The following WWOX variants were observed in gnomAD, a reference collection of about 807,000 sequenced individuals.
WWOX encodes the protein WW domain-containing oxidoreductase.
Under a neutral mutation model 46.2 loss-of-function variants are expected in WWOX, and 69 were observed. That is an observed-to-expected ratio of 1.49 (90% CI 1.23 to 1.82). WWOX has a LOEUF of 1.82. Among genes scored for constraint, WWOX ranks in the 40% most tolerant of loss-of-function variants. The probability of loss-of-function intolerance (pLI) is 0.00; values close to 1 mark genes in which losing one functional copy is unlikely to be tolerated. For synonymous variants in WWOX, 359 were observed against 202.6 expected (o/e 1.77, Z -6.56); for missense variants, 919 against 542.6 (o/e 1.69, Z -6.89).
intron 8 of WWOX, among the ~76,000 whole-genome samples, chr16:78,453,371 G>A (rs1055008079): frequency 2.0e-5 from 3 of 151,636 alleles, no homozygotes; most frequent in African/African-American, 7.3e-5. Flanking sequence ...GGCAGTGAGT[G>A]GAGATCACGC....
chr16:78,206,444 A>G (rs1447284804), intron 5 of WWOX, among the ~76,000 whole-genome samples: 1 of 152,166 alleles, frequency 6.6e-6, no homozygotes, highest in Non-Finnish European at 1.5e-5. Flanking sequence ...GGAACTTTAA[A>G]TGTTGACCCC....
intron 8 of WWOX, among the ~76,000 whole-genome samples, chr16:78,795,786 T>C (rs2050720686): frequency 6.6e-6 from 1 of 152,164 alleles, no homozygotes; most frequent in East Asian, 1.9e-4. Context: ...CTAGCTAATG[T>C]CCTTGAGGAT....
chr16:79,018,621 C>G (rs966267181), intron 8 of WWOX, among the ~76,000 whole-genome samples: 2 of 152,098 alleles, frequency 1.3e-5, no homozygotes, highest in East Asian at 1.9e-4. Context: ...TAAGACACCA[C>G]CATTTCAAAG....
intron 8 of WWOX, among the ~76,000 whole-genome samples, chr16:79,086,085 A>C (rs1291142558): frequency 6.9e-6 from 1 of 143,902 alleles, no homozygotes; most frequent in East Asian, 2.1e-4. Context: ...AAAAAAGAGC[A>C]GTATAGTCAG....
intron 4 of WWOX, among the ~76,000 whole-genome samples, chr16:78,158,547 C>T (rs1275240835): frequency 6.9e-6 from 1 of 145,080 alleles, no homozygotes; most frequent in Non-Finnish European, 1.5e-5. Context: ...ATATACAGAA[C>T]TTTTTCAGTT....
In WWOX at chr16:78,640,107, G is replaced by T. The variant is rs116656789; in HGVS notation, c.1056+207355G>T. The stretch of plus-strand genomic sequence containing the variant: ...TCAAAATAGAAACACAAAGCATTGA[G>T]TATTGAGAAGAAATGGATCTTCAGG... On this transcript the variant is annotated intron_variant, in intron 8 of 8. Transcript: ENST00000566780. 4.8e-3 allele frequency among the ~76,000 whole-genome samples: 729 copies of T among 151,920 alleles called. 7 individuals carry two copies. Among genetic ancestry groups the T allele is most frequent in the African/African-American group, 0.017 (692 of 41,450 alleles).
intron 5 of WWOX, among the ~76,000 whole-genome samples, chr16:78,282,669 G>A (rs2079699432): frequency 6.6e-6 from 1 of 152,060 alleles, no homozygotes; most frequent in Admixed American, 6.6e-5. Context: ...AAGGTCAGGA[G>A]ATTGAGGCCA....
At chr16:78,320,912 C>G (rs1404696815) in intron 5 of WWOX, among the ~76,000 whole-genome samples, 2 of 152,134 alleles carry the variant, frequency 1.3e-5, no homozygotes, top group Non-Finnish European at 2.9e-5. Context: ...AAGCTGTTGT[C>G]TTGCTTTGGG....
chr16:78,202,487 A>G (rs1053245536), intron 5 of WWOX, among the ~76,000 whole-genome samples: 14 of 152,246 alleles, frequency 9.2e-5, no homozygotes, highest in African/African-American at 3.4e-4. Flanking sequence ...ATCTCAAAAA[A>G]GCCATGTAGA....
chr16:78,338,710 A>G (rs13336875), intron 5 of WWOX, among the ~76,000 whole-genome samples: 13,624 of 121,148 alleles, frequency 0.11, 4,253 homozygotes, highest in African/African-American at 0.33. Context: ...TAAGCCTAAT[A>G]TGTGATTGTC....
intron 8 of WWOX, among the ~76,000 whole-genome samples, chr16:78,760,285 A>G (rs1346615840): frequency 6.6e-6 from 1 of 152,194 alleles, no homozygotes; most frequent in Non-Finnish European, 1.5e-5. Flanking sequence ...CGATCCTGTG[A>G]TTCAATTATC....
chr16:78,556,845 A>G (rs1817850714), intron 8 of WWOX, among the ~76,000 whole-genome samples: 6 of 151,936 alleles, frequency 3.9e-5, no homozygotes, highest in Admixed American at 3.3e-4. Context: ...CAGCCTCCCA[A>G]GTAACTGGGA....
At chr16:79,090,388 GTTCA>G (rs2048935916) in intron 8 of WWOX, among the ~76,000 whole-genome samples, 1 of 151,442 alleles carries the variant, frequency 6.6e-6, no homozygotes, top group Non-Finnish European at 1.5e-5. Flanking sequence ...TCATTCATCC[GTTCA>G]TTCAGTTATC....
intron 5 of WWOX, among the ~76,000 whole-genome samples, chr16:78,330,582 A>G (rs1010281560): frequency 6.6e-6 from 1 of 152,180 alleles, no homozygotes; most frequent in Non-Finnish European, 1.5e-5. Flanking sequence ...TTTTTAGTGG[A>G]GACGAGGTTT....
intron 4 of WWOX, among the ~76,000 whole-genome samples, chr16:78,147,118 A>G: frequency 6.6e-6 from 1 of 152,130 alleles, no homozygotes; most frequent in East Asian, 1.9e-4. Context: ...GATATCTAAG[A>G]TAGTGATCTG....
At chr16:78,833,119 G>A (rs1268065739) in intron 8 of WWOX, among the ~76,000 whole-genome samples, 1 of 150,538 alleles carries the variant, frequency 6.6e-6, no homozygotes, top group African/African-American at 2.5e-5. Context: ...AGAGATCACT[G>A]CAGCCTCCAA....
At chr16:79,039,651 C>T (rs944718868) in intron 8 of WWOX, among the ~76,000 whole-genome samples, 1 of 152,210 alleles carries the variant, frequency 6.6e-6, no homozygotes. Flanking sequence ...CGGAAAGTAA[C>T]TCCTGTCCAT....
intron 5 of WWOX, among the ~76,000 whole-genome samples, chr16:78,240,082 A>G (rs943613633): frequency 1.3e-5 from 2 of 152,158 alleles, no homozygotes; most frequent in Non-Finnish European, 2.9e-5. Context: ...GTAACGTTAT[A>G]TGGAAACAGG....
chr16:78,859,290 A>G (rs1597731793), intron 8 of WWOX, among the ~76,000 whole-genome samples: 1 of 151,476 alleles, frequency 6.6e-6, no homozygotes, highest in East Asian at 2.0e-4. Context: ...GCAGGAATGG[A>G]ATTGATTTTT....
Sources: allele counts gnomAD v4.1 joint callset (sites outside exome capture counted in the v4.1 genomes callset), GRCh38; gene constraint gnomAD v4.1.1; transcripts MANE v1.5; gene names NCBI Gene and HGNC (gene_info 2026-07-23, HGNC 2026-07-21).